Variants in NALF1 observed in about 807,000 individuals in gnomAD.
NALF1 encodes the protein family with sequence similarity 155 member A.
Under a neutral mutation model 48.4 loss-of-function variants are expected in NALF1, and 3 were observed. The observed-to-expected ratio is 0.06, with a 90% CI of 0.03 to 0.16. NALF1 has a LOEUF of 0.16. Ranked by LOEUF, NALF1 falls within the 10% of genes least tolerant of loss-of-function variation. The pLI, the probability that NALF1 is intolerant of heterozygous loss-of-function variation, is 1.00. For synonymous variants in NALF1, 262 were observed against 245.7 expected, an observed-to-expected ratio of 1.07 and a Z score of -0.62; for missense variants, 526 against 571.5, an observed-to-expected ratio of 0.92 and a Z score of 0.81.
intron 1 of NALF1, among the ~76,000 whole-genome samples, chr13:107,708,897 G>A (rs574851772): frequency 6.6e-6 from 1 of 152,126 alleles, no homozygotes; most frequent in East Asian, 1.9e-4. Flanking sequence ...TTTCATTTTA[G>A]TTTTCTATTT....
intron 1 of NALF1, among the ~76,000 whole-genome samples, chr13:107,230,636 C>T (rs1167318080): frequency 6.6e-6 from 1 of 151,222 alleles, no homozygotes; most frequent in Non-Finnish European, 1.5e-5. Flanking sequence ...GTGAGAAATA[C>T]AAAGAAGATG....
chr13:107,712,579 A>G (rs4564440), intron 1 of NALF1, among the ~76,000 whole-genome samples: 112,292 of 152,124 alleles, frequency 0.74, 42,764 homozygotes, highest in Middle Eastern at 0.85. Context: ...GGGGTCACGC[A>G]GATGCAGAAA....
At chr13:107,480,441 A>G (rs1885237606) in intron 1 of NALF1, among the ~76,000 whole-genome samples, 1 of 152,164 alleles carries the variant, frequency 6.6e-6, no homozygotes, top group Non-Finnish European at 1.5e-5. Context: ...TTCTTCAGTA[A>G]AATTCCAAAT....
At chr13:107,469,816 T>C (rs967654254) in intron 1 of NALF1, among the ~76,000 whole-genome samples, 1 of 135,494 alleles carries the variant, frequency 7.4e-6, no homozygotes, top group Non-Finnish European at 1.5e-5. Context: ...CGATCTCAGC[T>C]CACTGCAAGC....
At chr13:107,555,266 T>TTAAG (rs1293512455) in intron 1 of NALF1, among the ~76,000 whole-genome samples, 1 of 151,466 alleles carries the variant, frequency 6.6e-6, no homozygotes, top group Non-Finnish European at 1.5e-5. Context: ...TTATTATTAA[T>TTAAG]TAATTAATTA....
rs1222950975 is a variant in NALF1, at chr13:107,370,407, A to G, written c.916-159652T>C. Among the ~76,000 whole-genome samples, 3 of 152,152 alleles carry G rather than the reference A, an allele frequency of 2.0e-5. No individual in the cohort carries two copies. In the East Asian group the frequency reaches 5.8e-4, roughly 29 times the overall value. ...CAAAGTTCTATCACCCTGTGTTCTA[A>G]AACTGAGGAATCTCAAAACTTACAA... is the stretch of plus-strand genomic sequence containing the variant. On this transcript the variant is annotated intron_variant, in intron 1 of 2. Transcript: ENST00000375915.
intron 1 of NALF1, among the ~76,000 whole-genome samples, chr13:107,615,968 A>T (rs56193373): frequency 0.25 from 37,948 of 152,052 alleles, 5,219 homozygotes; most frequent in East Asian, 0.48. Context: ...ATCTGCTAAG[A>T]GTATAAACTG....
intron 1 of NALF1, among the ~76,000 whole-genome samples, chr13:107,736,263 A>T (rs1358363355): frequency 6.6e-6 from 1 of 151,762 alleles, no homozygotes; most frequent in Non-Finnish European, 1.5e-5. Context: ...AAACAGCTGC[A>T]CTGTGTTTGT....
chr13:107,618,783 G>T (rs952448258), intron 1 of NALF1, among the ~76,000 whole-genome samples: 1 of 152,180 alleles, frequency 6.6e-6, no homozygotes, highest in African/African-American at 2.4e-5. Context: ...GGATATTGGG[G>T]ATAGACTGAG....
chr13:107,814,880 C>T (rs1398323128), intron 1 of NALF1, among the ~76,000 whole-genome samples: 1 of 151,986 alleles, frequency 6.6e-6, no homozygotes, highest in Non-Finnish European at 1.5e-5. Flanking sequence ...AATGAAAATT[C>T]TTCTCAAGTG....
At chr13:107,195,875 T>C (rs1879379172) in intron 2 of NALF1, among the ~76,000 whole-genome samples, 1 of 152,166 alleles carries the variant, frequency 6.6e-6, no homozygotes, top group Non-Finnish European at 1.5e-5. Flanking sequence ...ACAGCAAGTC[T>C]AGCAAAGTAT....
intron 1 of NALF1, among the ~76,000 whole-genome samples, chr13:107,660,777 G>T (rs979479338): frequency 4.0e-5 from 6 of 151,848 alleles, no homozygotes; most frequent in Non-Finnish European, 7.4e-5. Flanking sequence ...TATGGACCCT[G>T]GATGATGATG....
chr13:107,279,871 T>A (rs1246686309), intron 1 of NALF1, among the ~76,000 whole-genome samples: 2 of 152,218 alleles, frequency 1.3e-5, no homozygotes, highest in African/African-American at 4.8e-5. Flanking sequence ...AAATCATTCT[T>A]CCCAACGTCT....
chr13:107,363,613 G>A (rs1883103297), intron 1 of NALF1, among the ~76,000 whole-genome samples: 1 of 152,196 alleles, frequency 6.6e-6, no homozygotes, highest in Non-Finnish European at 1.5e-5. Flanking sequence ...AATCAAAGCA[G>A]TAAATTTATT....
chr13:107,776,965 G>A (rs555995977), intron 1 of NALF1, among the ~76,000 whole-genome samples: 5 of 152,150 alleles, frequency 3.3e-5, no homozygotes, highest in Admixed American at 2.6e-4. Context: ...GGTGGCTCAC[G>A]TCTATAGTCC....
chr13:107,713,740 G>A (rs778254133), intron 1 of NALF1, among the ~76,000 whole-genome samples: 13 of 152,150 alleles, frequency 8.5e-5, no homozygotes, highest in Non-Finnish European at 1.5e-4. Flanking sequence ...ACATACATAT[G>A]TGCTATATAT....
intron 1 of NALF1, among the ~76,000 whole-genome samples, chr13:107,543,971 T>C (rs1210535093): frequency 6.6e-6 from 1 of 152,102 alleles, no homozygotes; most frequent in African/African-American, 2.4e-5. Context: ...ATCAATTCTA[T>C]ATAACCAATT....
At chr13:107,241,699 A>T (rs1566461606) in intron 1 of NALF1, among the ~76,000 whole-genome samples, 1 of 152,246 alleles carries the variant, frequency 6.6e-6, no homozygotes. Context: ...AGCCTGGCAC[A>T]GATTTTTGCA....
intron 1 of NALF1, among the ~76,000 whole-genome samples, chr13:107,774,603 T>G (rs999898040): frequency 3.9e-5 from 6 of 152,234 alleles, no homozygotes; most frequent in African/African-American, 1.4e-4. Context: ...GGTTACTACA[T>G]TCTCTGTAGT....
Sources: gnomAD v4.1 joint callset for allele counts (sites outside exome capture counted in the v4.1 genomes callset) on GRCh38, gnomAD v4.1.1 for gene constraint, MANE v1.5 for transcripts, NCBI Gene and HGNC (gene_info 2026-07-23, HGNC 2026-07-21) for gene names.